The following XKR9 variants were observed in gnomAD, a reference collection of about 807,000 sequenced individuals.
The protein encoded by XKR9 is XK-related protein 9.
In XKR9, 32 loss-of-function variants were observed where a neutral mutation model predicts 32.0. The observed-to-expected ratio is 1.00, with a 90% CI of 0.76 to 1.34. The LOEUF (loss-of-function observed/expected upper bound fraction) is 1.34, where lower values mean the gene tolerates loss of function less well. Among genes scored for constraint, XKR9 ranks in the 40% most tolerant of loss-of-function variants. XKR9 has a pLI of 0.00. For synonymous variants in XKR9, 168 were observed against 143.4 expected, an observed-to-expected ratio of 1.17 and a Z score of -1.22; for missense variants, 546 against 429.7, an observed-to-expected ratio of 1.27 and a Z score of -2.39.
chr8:70,990,757 GAGAGAGAGAGAA>G, the XKR9 span, among the ~76,000 whole-genome samples: 2 of 151,846 alleles, frequency 1.3e-5, no homozygotes, highest in East Asian at 1.9e-4. Context: ...GAGAGAGAGA[GAGAGAGAGAGAA>G]AGAGAGAGAG....
the XKR9 span, among the ~76,000 whole-genome samples, chr8:71,028,904 C>A: frequency 1.1e-5 from 1 of 88,200 alleles, no homozygotes; most frequent in African/African-American, 4.3e-5. Flanking sequence ...GAGAGACACA[C>A]AGAAAGAGAG....
At chr8:70,801,276 A>G in the XKR9 span, among the ~76,000 whole-genome samples, 15 of 152,024 alleles carry the variant, frequency 9.9e-5, no homozygotes, top group Non-Finnish European at 2.1e-4. Context: ...TGAAGTTTTC[A>G]TAACTTTTTG....
the XKR9 span, among the ~76,000 whole-genome samples, chr8:70,828,221 C>T: frequency 1.3e-5 from 2 of 152,154 alleles, no homozygotes; most frequent in Admixed American, 1.3e-4. Flanking sequence ...TCAAACAGCA[C>T]ATTGTTTGGT....
At chr8:70,899,563 C>G in the XKR9 span, among the ~76,000 whole-genome samples, 1 of 151,942 alleles carries the variant, frequency 6.6e-6, no homozygotes, top group Non-Finnish European at 1.5e-5. Flanking sequence ...TATTGCAGAT[C>G]CATCTTTAAG....
the XKR9 span, among the ~76,000 whole-genome samples, chr8:70,927,206 C>T: frequency 1.3e-5 from 2 of 151,866 alleles, no homozygotes; most frequent in African/African-American, 2.4e-5. Flanking sequence ...TGTAAATGCT[C>T]AGTCTAGGGA....
the XKR9 span, among the ~76,000 whole-genome samples, chr8:70,894,371 G>A: frequency 1.3e-5 from 2 of 152,058 alleles, no homozygotes; most frequent in African/African-American, 4.8e-5. Context: ...CGGTCTAAAG[G>A]GAGCTAGTTC....
At chr8:70,718,483 C>T (rs1806165751) in intron 4 of XKR9, among the ~76,000 whole-genome samples, 1 of 151,984 alleles carries the variant, frequency 6.6e-6, no homozygotes, top group South Asian at 2.1e-4. Context: ...CCCCTGATGC[C>T]CCAACAGGCC....
chr8:70,803,174 T>A, the XKR9 span, among the ~76,000 whole-genome samples: 1 of 152,196 alleles, frequency 6.6e-6, no homozygotes, highest in Non-Finnish European at 1.5e-5. Context: ...TTATTGTGAC[T>A]GTTATTTCAG....
chr8:70,988,172 CAT>C, the XKR9 span, among the ~76,000 whole-genome samples: 2 of 152,126 alleles, frequency 1.3e-5, no homozygotes, highest in African/African-American at 2.4e-5. Context: ...CCTCCCACAA[CAT>C]GTGGGAATTA....
At chr8:70,776,947 C>A (rs181487053) in intron 2 of XKR9, among the ~76,000 whole-genome samples, 9,199 of 54,594 alleles carry the variant, frequency 0.17, 1,501 homozygotes, top group Non-Finnish European at 0.23. Context: ...CTCTCTCTCT[C>A]TATATATATA....
chr8:71,018,447 C>T, the XKR9 span, among the ~76,000 whole-genome samples: 1 of 152,096 alleles, frequency 6.6e-6, no homozygotes, highest in Non-Finnish European at 1.5e-5. Flanking sequence ...AGAATAAGTT[C>T]TGAAATACAT....
chr8:70,757,937 C>A (rs534411367), intron 2 of XKR9, among the ~76,000 whole-genome samples: 1 of 152,288 alleles, frequency 6.6e-6, no homozygotes, highest in African/African-American at 2.4e-5. Flanking sequence ...TCTGTTAAAT[C>A]TGACATCTGG....
At chr8:70,678,721 G>T (rs1005760056) in intron 2 of XKR9, among the ~76,000 whole-genome samples, 28 of 151,936 alleles carry the variant, frequency 1.8e-4, no homozygotes, top group African/African-American at 6.0e-4. Flanking sequence ...CAACATTCTT[G>T]ACAGGAGAAG....
At chr8:70,791,141 C>T (rs1472735833), downstream of XKR9, among the ~76,000 whole-genome samples, 2 of 152,094 alleles carry the variant, frequency 1.3e-5, no homozygotes, top group South Asian at 2.1e-4. Flanking sequence ...TTTATTGATT[C>T]TGTAATCTAT....
chr8:71,012,035 G>GA, the XKR9 span, among the ~76,000 whole-genome samples: 63,801 of 150,500 alleles, frequency 0.42, 14,610 homozygotes, highest in Non-Finnish European at 0.52. Context: ...TCTATAGGGG[G>GA]AAAAAAAAAC....
intron 2 of XKR9, among the ~76,000 whole-genome samples, chr8:70,767,447 C>A (rs534717423): frequency 6.6e-6 from 1 of 150,676 alleles, no homozygotes; most frequent in East Asian, 1.9e-4. Context: ...GTGGTGATAC[C>A]CCCTTTATCA....
intron 2 of XKR9, among the ~76,000 whole-genome samples, chr8:70,754,447 G>A (rs180685626): frequency 3.1e-5 from 4 of 128,780 alleles, no homozygotes; most frequent in African/African-American, 1.0e-4. Flanking sequence ...AAAAGAGCCC[G>A]CATCGCCAAG....
At chr8:70,821,021 G>A in the XKR9 span, among the ~76,000 whole-genome samples, 1 of 152,116 alleles carries the variant, frequency 6.6e-6, no homozygotes, top group African/African-American at 2.4e-5. Context: ...AAAAGTCCAA[G>A]TGCAAAGCCT....
the XKR9 span, among the ~76,000 whole-genome samples, chr8:70,876,218 C>CT: frequency 0.033 from 3,382 of 101,462 alleles, 88 homozygotes; most frequent in Non-Finnish European, 0.042. Context: ...AAGATTCGTT[C>CT]TTTTTTTTTT....
Sources: allele counts gnomAD v4.1 joint callset (sites outside exome capture counted in the v4.1 genomes callset), GRCh38; gene constraint gnomAD v4.1.1; transcripts MANE v1.5; gene names NCBI Gene and HGNC (gene_info 2026-07-23, HGNC 2026-07-21).